Variants in JAK2 observed in about 807,000 individuals in gnomAD.
JAK2 encodes the protein Janus kinase 2.
A neutral mutation model predicts 139.3 loss-of-function variants in JAK2; 86 were observed. The observed-to-expected ratio is 0.62, with a 90% CI of 0.52 to 0.74. The LOEUF is 0.74. Among genes scored for constraint, JAK2 ranks in the 30% least tolerant of loss-of-function variants. The probability of loss-of-function intolerance (pLI) is 0.00; values close to 1 mark genes in which losing one functional copy is unlikely to be tolerated. For synonymous variants in JAK2, 490 were observed against 437.7 expected (o/e 1.12, Z -1.49); for missense variants, 1,421 against 1,360.3 (o/e 1.04, Z -0.70).
At chr9:5,016,879 TA>T (rs1244748800) in intron 2 of JAK2, among the ~76,000 whole-genome samples, 2 of 152,134 alleles carry the variant, frequency 1.3e-5, no homozygotes, top group Non-Finnish European at 2.9e-5. Context: ...TAAAATAATT[TA>T]GAGGGAATAA....
At chr9:5,004,575 A>G (rs2129879819) in intron 2 of JAK2, among the ~76,000 whole-genome samples, 1 of 152,262 alleles carries the variant, frequency 6.6e-6, no homozygotes, top group South Asian at 2.1e-4. Context: ...CTTGGCTATT[A>G]AGAATAATGC....
chr9:5,043,626 C>T (rs1816777717), intron 4 of JAK2, among the ~76,000 whole-genome samples: 1 of 152,166 alleles, frequency 6.6e-6, no homozygotes, highest in Non-Finnish European at 1.5e-5. Context: ...GAAAACATAT[C>T]CACAAAAACT....
rs1439666850 is a variant in JAK2, at chr9:4,987,891, G to C, written c.-26+1869G>C. On this transcript the variant is annotated intron_variant, in intron 2 of 24. Transcript: ENST00000381652. ...AAGTCTTGGCTACTATCACGGCTGG[G>C]AGGCAAAGGAGATTCAGAGAAGGGC... 3.9e-5 allele frequency among the ~76,000 whole-genome samples: 6 copies of C among 152,174 alleles called. No individual in the cohort carries two copies. In the East Asian group the frequency reaches 1.2e-3, roughly 29 times the overall value.
At chr9:5,056,930 G>C (rs376904945) in intron 8 of JAK2, among the ~76,000 whole-genome samples, 1 of 152,240 alleles carries the variant, frequency 6.6e-6, no homozygotes, top group African/African-American at 2.4e-5. Flanking sequence ...TCAAATGCAT[G>C]CTTTGAAAAC....
At chr9:5,027,077 A>T (rs1476613061) in intron 3 of JAK2, among the ~76,000 whole-genome samples, 2 of 152,186 alleles carry the variant, frequency 1.3e-5, no homozygotes, top group African/African-American at 4.8e-5. Flanking sequence ...TTTTTATTAT[A>T]CCTCCAGTTC....
rs1819898693 is a variant in JAK2 at position 4,985,545 on chromosome 9, C to T, written c.-194C>T. 1.3e-5 allele frequency: 2 copies of T among 152,450 alleles called. No individual in the cohort carries two copies. The highest frequency in any genetic ancestry group is 2.1e-4 in the South Asian group (1 of 4,844). The allele number at this position is 152,450 out of a possible 1,614,324, so 9.4% of individuals were successfully genotyped here. ...AGGTCGTTCAGAGCCGTGCCCGTCC[C>T]GGGGCTTCGCAGACCTTGACCCGCC... On this transcript the variant is annotated 5_prime_UTR_variant, in exon 1 of 25. Coordinates refer to ENST00000381652, the MANE Select transcript of JAK2 (RefSeq NM_004972.4).
chr9:5,005,542 T>G (rs1219402686), intron 2 of JAK2, among the ~76,000 whole-genome samples: 3 of 152,164 alleles, frequency 2.0e-5, no homozygotes, highest in Non-Finnish European at 4.4e-5. Flanking sequence ...TCTTTTAAAG[T>G]GTTATTGGAT....
chr9:5,068,921 T>C (rs1031632607), intron 10 of JAK2, 101 bp from the exon 11 acceptor site: 13 of 683,024 alleles, frequency 1.9e-5, no homozygotes, highest in African/African-American at 3.7e-5. Flanking sequence ...GGTTCAAATG[T>C]TTATTCTGTT....
chr9:5,062,499 G>GT (rs1818253599), intron 8 of JAK2, among the ~76,000 whole-genome samples: 2 of 40,666 alleles, frequency 4.9e-5, no homozygotes, highest in Admixed American at 6.5e-4. Context: ...CCTTCCATTT[G>GT]TAAAAAAAAA....
At chr9:5,077,225 A>T (rs941994412) in intron 14 of JAK2, among the ~76,000 whole-genome samples, 2 of 149,964 alleles carry the variant, frequency 1.3e-5, no homozygotes, top group Admixed American at 1.3e-4. Flanking sequence ...CATTTATGTT[A>T]TATATAATAA....
intron 19 of JAK2, among the ~76,000 whole-genome samples, chr9:5,082,245 T>G (rs928432596): frequency 6.6e-6 from 1 of 152,158 alleles, no homozygotes; most frequent in South Asian, 2.1e-4. Context: ...GCAAGAGGAA[T>G]GCGGCAGGAG....
intron 4 of JAK2, among the ~76,000 whole-genome samples, chr9:5,038,690 T>C (rs1287173103): frequency 6.6e-6 from 1 of 151,914 alleles, no homozygotes; most frequent in African/African-American, 2.4e-5. Flanking sequence ...AATGCTCTGA[T>C]GAATATTTCT....
chr9:5,079,284 TTGTC>T (rs781742653), intron 16 of JAK2, among the ~76,000 whole-genome samples: 1 of 152,034 alleles, frequency 6.6e-6, no homozygotes, highest in African/African-American at 2.4e-5. Context: ...ATCAATCTAT[TTGTC>T]TGTCTGTCTA....
chr9:5,015,909 A>T (rs989728394), intron 2 of JAK2, among the ~76,000 whole-genome samples: 2 of 151,772 alleles, frequency 1.3e-5, no homozygotes, highest in African/African-American at 4.9e-5. Flanking sequence ...AGTAAAAAAT[A>T]TCCTGAATAA....
At chr9:4,990,642 G>A (rs1331671683) in intron 2 of JAK2, among the ~76,000 whole-genome samples, 1 of 152,048 alleles carries the variant, frequency 6.6e-6, no homozygotes, top group African/African-American at 2.4e-5. Flanking sequence ...TAGTGGATAG[G>A]TTAGGAGGCG....
Position 5,034,912 on chromosome 9 carries a change from G to C in JAK2, c.350+5006G>C, listed in dbSNP as rs199574715. ...AGAGCAGAACTGAAGGACATAGAGAGACAAAAAACCCTTCAAAAAAATCAA... is the reference window on the plus strand; with the variant it reads ...AGAGCAGAACTGAAGGACATAGAGACACAAAAAACCCTTCAAAAAAATCAA... On this transcript the variant is annotated intron_variant, in intron 4 of 24. Transcript: ENST00000381652. 4.8e-3 allele frequency among the ~76,000 whole-genome samples: 737 copies of C among 152,036 alleles called. 8 individuals are homozygous for C. The highest frequency in any genetic ancestry group is 0.017 in the African/African-American group (696 of 41,482).
intron 22 of JAK2, among the ~76,000 whole-genome samples, chr9:5,119,243 T>C (rs1012499548): frequency 6.6e-6 from 1 of 152,068 alleles, no homozygotes; most frequent in African/African-American, 2.4e-5. Flanking sequence ...TCACTAAATA[T>C]ATTAATAATA....
chr9:5,064,416 G>T (rs1397794912), intron 8 of JAK2, among the ~76,000 whole-genome samples: 1 of 151,746 alleles, frequency 6.6e-6, no homozygotes, highest in Non-Finnish European at 1.5e-5. Flanking sequence ...TGTAATCCCA[G>T]CTACTCATGA....
chr9:4,996,406 C>T (rs1241767019), intron 2 of JAK2, among the ~76,000 whole-genome samples: 1 of 151,904 alleles, frequency 6.6e-6, no homozygotes, highest in East Asian at 1.9e-4. Context: ...TGAGATCGTG[C>T]CATTGCACTC....
Sources: allele counts gnomAD v4.1 joint callset (sites outside exome capture counted in the v4.1 genomes callset), GRCh38; gene constraint gnomAD v4.1.1; transcripts MANE v1.5; gene names NCBI Gene and HGNC (gene_info 2026-07-23, HGNC 2026-07-21).